GRAMD1C: variants seen among roughly 807,000 people sequenced by gnomAD.
GRAMD1C encodes the protein protein Aster-C.
GRAMD1C carries 89 observed loss-of-function variants against 97.8 expected under a neutral mutation model. That is an observed-to-expected ratio of 0.91 (90% CI 0.77 to 1.09). The LOEUF is 1.09. Among genes scored for constraint, GRAMD1C ranks in the 50% least tolerant of loss-of-function variants. The probability of loss-of-function intolerance (pLI) is 0.00; values close to 1 mark genes in which losing one functional copy is unlikely to be tolerated. For missense variants in GRAMD1C, 740 were observed against 766.4 expected, an observed-to-expected ratio of 0.97 and a Z score of 0.41; for synonymous variants, 256 against 267.0, an observed-to-expected ratio of 0.96 and a Z score of 0.40.
Position 113,945,436 on chromosome 3 carries a change from T to A in GRAMD1C, c.1947T>A (p.Asp649Glu). Residue 649 changes from aspartate to glutamate, a missense_variant, in exon 18 of 18, where the codon GAT (aspartate) becomes GAA (glutamate). By Grantham distance (45) the Asp-to-Glu change is conservative. Transcript: ENST00000358160. ...TCATTATGCTTCAGAAAACGTTTGA[T>A]CTACTAAATAAGAATAAGACTGGCA... ...SSLIMLQKTF[D>E]LLNKNKTGMA... 6.2e-7 allele frequency: 1 copy of A among 1,601,570 alleles called. No homozygotes were observed.
At chr3:113,878,189 A>G (rs1935123163) in intron 5 of GRAMD1C, among the ~76,000 whole-genome samples, 1 of 152,194 alleles carries the variant, frequency 6.6e-6, no homozygotes, top group Non-Finnish European at 1.5e-5. Context: ...ACCTTATTCA[A>G]TGAATTATAA....
At chr3:113,906,113 T>C (rs1936363600) in intron 8 of GRAMD1C, among the ~76,000 whole-genome samples, 1 of 152,238 alleles carries the variant, frequency 6.6e-6, no homozygotes, top group South Asian at 2.1e-4. Flanking sequence ...TAAACAAATC[T>C]GTGCTGCCAG....
Position 113,940,254 on chromosome 3 carries a change from T to C in GRAMD1C, c.1817T>C (p.Met606Thr), listed in dbSNP as rs1222033161. 13 of 1,594,914 alleles carry C rather than the reference T, an allele frequency of 8.2e-6. No homozygotes were observed. Among genetic ancestry groups the C allele is most frequent in the South Asian group, 3.3e-5 (3 of 90,640 alleles). Reference protein sequence around the residue: ...EEKSLNLASDMVSRAETIQKN... With the variant: ...EEKSLNLASDTVSRAETIQKN... Reference sequence around the variant, plus strand: ...TTTTCTTTCAGTTTAGCCTCTGATATGGTGTCAAGAGCAGAAACTATTCAG... The same window carrying C: ...TTTTCTTTCAGTTTAGCCTCTGATACGGTGTCAAGAGCAGAAACTATTCAG... The change falls in exon 17 of 18, where the codon ATG becomes ACG. Residue 606 changes from methionine to threonine, a missense_variant. Coordinates refer to ENST00000358160, the MANE Select transcript of GRAMD1C (RefSeq NM_017577.5).
At chr3:113,898,697 T>G (rs995315841) in intron 6 of GRAMD1C, among the ~76,000 whole-genome samples, 2 of 152,150 alleles carry the variant, frequency 1.3e-5, no homozygotes, top group Non-Finnish European at 2.9e-5. Flanking sequence ...TTATTTCCAG[T>G]GAGAATTTAT....
intron 1 of GRAMD1C, among the ~76,000 whole-genome samples, chr3:113,833,417 G>A (rs185440526): frequency 1.1e-4 from 16 of 152,008 alleles, no homozygotes; most frequent in Admixed American, 3.3e-4. Flanking sequence ...GATTACAGGC[G>A]TGAGCCACCA....
In GRAMD1C at chr3:113,933,527, G is replaced by C; in HGVS notation, c.1226G>C (p.Ser409Thr). The change falls in exon 12 of 18, where the codon AGT becomes ACT. Residue 409 changes from serine (S) to threonine (T), a missense_variant. Physicochemically the swap from Ser to Thr is moderately conservative, Grantham distance 58. Transcript: ENST00000358160. Reference protein sequence around the residue: ...ATEKQTLYKESREARFYLVDS... With the variant: ...ATEKQTLYKETREARFYLVDS... ...CTTTGGCAGACACTGTATAAAGAAA[G>C]TCGGGAAGCACGATTTTATTTGGTA... 2.5e-6 allele frequency: 4 copies of C among 1,611,610 alleles called. No individual in the cohort carries two copies. In the Admixed American group the frequency reaches 6.7e-5, roughly 27 times the overall value.
At position 113,838,856 on chromosome 3, in the gene GRAMD1C, G is replaced by GGAGGT; in HGVS notation, c.-53_-52insAGGTG. 8.3e-7 allele frequency: 1 copy of GGAGGT among 1,207,668 alleles called. No individual in the cohort carries two copies. Among genetic ancestry groups the GGAGGT allele is most frequent in the Non-Finnish European group, 1.0e-6 (1 of 966,558 alleles). 74.8% of individuals were successfully genotyped at this position (1,207,668 alleles called of 1,614,324 possible). The stretch of plus-strand genomic sequence containing the variant: ...CAGCGCGCGCTGGAGGTGGGCGCGG[G>GGAGGT]GCGGTGCGGTGCGGTGCGCGCGGGG... On this transcript the variant is annotated 5_prime_UTR_variant, in exon 1 of 18. Coordinates refer to ENST00000358160, the MANE Select transcript of GRAMD1C (RefSeq NM_017577.5).
At chr3:113,873,668 G>A (rs1009995373) in intron 3 of GRAMD1C, among the ~76,000 whole-genome samples, 6 of 152,070 alleles carry the variant, frequency 3.9e-5, no homozygotes, top group Middle Eastern at 3.4e-3. Context: ...ACAGGTGCCC[G>A]CCACCATACC....
chr3:113,841,033 G>T (rs1369714355), intron 1 of GRAMD1C, among the ~76,000 whole-genome samples: 1 of 152,158 alleles, frequency 6.6e-6, no homozygotes, highest in African/African-American at 2.4e-5. Flanking sequence ...AGGAGGTGTT[G>T]AAAGAGACAC....
At chr3:113,829,559 G>C (rs1251423868) in intron 1 of GRAMD1C, among the ~76,000 whole-genome samples, 1 of 152,000 alleles carries the variant, frequency 6.6e-6, no homozygotes, top group Non-Finnish European at 1.5e-5. Flanking sequence ...TTTATTTATT[G>C]AGTTATAATA....
At chr3:113,900,986 A>C in intron 6 of GRAMD1C, 45 bp from the exon 7 acceptor site, 1 of 957,824 alleles carries the variant, frequency 1.0e-6, no homozygotes, top group Non-Finnish European at 1.7e-6. Flanking sequence ...GTGATATTAT[A>C]TTTTATATTT....
chr3:113,891,851 C>A (rs140909316), intron 6 of GRAMD1C, among the ~76,000 whole-genome samples: 1 of 151,750 alleles, frequency 6.6e-6, no homozygotes, highest in Non-Finnish European at 1.5e-5. Context: ...CGTGCCACTG[C>A]ACTCCAGCCT....
At chr3:113,928,278 C>T (rs892553117) in intron 10 of GRAMD1C, among the ~76,000 whole-genome samples, 1 of 151,992 alleles carries the variant, frequency 6.6e-6, no homozygotes, top group Non-Finnish European at 1.5e-5. Context: ...GAGAGCGGCA[C>T]ACACGAGCAG....
intron 2 of GRAMD1C, among the ~76,000 whole-genome samples, chr3:113,853,316 TAAAGAG>T (rs1933987301): frequency 6.6e-6 from 1 of 151,972 alleles, no homozygotes; most frequent in Non-Finnish European, 1.5e-5. Flanking sequence ...CACTGAGAGA[TAAAGAG>T]AGAAAGTATG....
chr3:113,934,535 G>T lies in GRAMD1C; in HGVS notation c.1456G>T (p.Glu486Ter). Reference protein sequence around the residue: ...SSLEDYFKQLESDLLIEESVL... With the variant: ...SSLEDYFKQL ...TTTGGAGGACTATTTCAAACAGCTT[G>T]GTTTGTAAATTTTTTTATTTATCTA... Residue 486 changes from glutamate to a stop codon, truncating the protein, a stop_gained and splice_region_variant, in exon 13 of 18, where the codon GAA becomes TAA. Transcript: ENST00000358160. LOFTEE classifies it high-confidence loss of function. The T allele has an allele frequency of 7.1e-7, 1 of 1,400,444 alleles. No individual in the cohort carries two copies. The highest frequency in any genetic ancestry group is 1.3e-5 in the South Asian group (1 of 77,528). The allele number at this position is 1,400,444 out of a possible 1,614,324, so 86.8% of individuals were successfully genotyped here.
chr3:113,934,518 A>G lies in GRAMD1C; in HGVS notation c.1439A>G (p.Asp480Gly), dbSNP rs1937540476. ...AAGAATTCCTGGAGTTCTTTGGAGGACTATTTCAAACAGCTTGGTTTGTAA... is the reference window on the plus strand; with the variant it reads ...AAGAATTCCTGGAGTTCTTTGGAGGGCTATTTCAAACAGCTTGGTTTGTAA... ...IEKNSWSSLEDYFKQLESDLL... is the reference protein window; with the variant it reads ...IEKNSWSSLEGYFKQLESDLL... Residue 480 changes from aspartate to glycine, a missense_variant, in exon 13 of 18, where the codon GAC becomes GGC. Asp to Gly is a moderately conservative substitution (Grantham distance 94). Coordinates refer to ENST00000358160, the MANE Select transcript of GRAMD1C (RefSeq NM_017577.5). 2 of 1,510,322 alleles carry G rather than the reference A, an allele frequency of 1.3e-6. No individual in the cohort carries two copies. The highest frequency in any genetic ancestry group is 1.4e-5 in the African/African-American group (1 of 71,584). The allele number at this position is 1,510,322 out of a possible 1,614,324, so 93.6% of individuals were successfully genotyped here.
chr3:113,909,245 A>G, intron 9 of GRAMD1C, 125 bp downstream of exon 9: 1 of 431,866 alleles, frequency 2.3e-6, no homozygotes, highest in Non-Finnish European at 4.0e-6. Flanking sequence ...TAAAGAAACA[A>G]AAAAAGAATG....
At chr3:113,843,055 T>TTG (rs1933428884) in intron 1 of GRAMD1C, among the ~76,000 whole-genome samples, 1 of 140,258 alleles carries the variant, frequency 7.1e-6, no homozygotes, top group African/African-American at 2.6e-5. Flanking sequence ...AGCTGTTTTT[T>TTG]TTTTTTTTTT....
At chr3:113,906,741 C>G (rs1936387629) in intron 8 of GRAMD1C, among the ~76,000 whole-genome samples, 1 of 152,116 alleles carries the variant, frequency 6.6e-6, no homozygotes, top group African/African-American at 2.4e-5. Context: ...CCTTCACATT[C>G]ACTCACTACT....
Sources: allele counts gnomAD v4.1 joint callset (sites outside exome capture counted in the v4.1 genomes callset), GRCh38; gene constraint gnomAD v4.1.1; transcripts MANE v1.5; gene names NCBI Gene and HGNC (gene_info 2026-07-23, HGNC 2026-07-21).